The following RPS6KC1 variants were observed in gnomAD, a reference collection of about 807,000 sequenced individuals.
RPS6KC1 encodes the protein inactive ribosomal protein S6 kinase delta-1.
RPS6KC1 carries 54 observed loss-of-function variants against 103.8 expected under a neutral mutation model. The observed-to-expected ratio is 0.52, with a 90% CI of 0.42 to 0.65. RPS6KC1 has a LOEUF of 0.65. Ranked by LOEUF, RPS6KC1 falls within the 30% of genes least tolerant of loss-of-function variation. The pLI is 0.00. For synonymous variants in RPS6KC1, 439 were observed against 438.7 expected, an observed-to-expected ratio of 1.00 and a Z score of -0.01; for missense variants, 1,151 against 1,253.8, an observed-to-expected ratio of 0.92 and a Z score of 1.24.
chr1:213,840,244 T>A, the RPS6KC1 span: 2 of 152,140 alleles, frequency 1.3e-5, no homozygotes, highest in African/African-American at 4.8e-5. Flanking sequence ...CCCAATTTAA[T>A]ACAAGGTCAT....
the RPS6KC1 span, among the ~76,000 whole-genome samples, chr1:213,515,921 A>G: frequency 2.0e-5 from 3 of 149,892 alleles, no homozygotes; most frequent in Non-Finnish European, 4.5e-5. Context: ...AGTGGTTTGT[A>G]GTTCTCCTTG....
the RPS6KC1 span, among the ~76,000 whole-genome samples, chr1:213,351,367 A>G: frequency 6.6e-6 from 1 of 152,252 alleles, no homozygotes; most frequent in East Asian, 1.9e-4. Flanking sequence ...AACCAAACCC[A>G]GAAATATTGC....
At chr1:213,750,565 C>A in the RPS6KC1 span, among the ~76,000 whole-genome samples, 1 of 152,176 alleles carries the variant, frequency 6.6e-6, no homozygotes, top group Non-Finnish European at 1.5e-5. Flanking sequence ...GGAATGTCCA[C>A]AGTGGCTCCA....
the RPS6KC1 span, among the ~76,000 whole-genome samples, chr1:213,628,496 C>G: frequency 6.6e-6 from 1 of 151,748 alleles, no homozygotes; most frequent in Non-Finnish European, 1.5e-5. Flanking sequence ...TTAAATTATA[C>G]TTTAAGTTTT....
chr1:213,074,731 ACTAT>A (rs1373730260), intron 2 of RPS6KC1, among the ~76,000 whole-genome samples: 2 of 151,678 alleles, frequency 1.3e-5, no homozygotes, highest in Non-Finnish European at 2.9e-5. Flanking sequence ...GCTCTGACAG[ACTAT>A]CTACTGGTTC....
the RPS6KC1 span, among the ~76,000 whole-genome samples, chr1:213,308,337 GAGAA>G: frequency 6.2e-5 from 9 of 144,478 alleles, no homozygotes; most frequent in East Asian, 2.4e-4. Context: ...AAAAAAAAGA[GAGAA>G]AGAAGAAAAA....
intron 1 of RPS6KC1, among the ~76,000 whole-genome samples, chr1:213,053,105 G>C (rs1185424049): frequency 6.6e-6 from 1 of 152,162 alleles, no homozygotes; most frequent in Non-Finnish European, 1.5e-5. Flanking sequence ...GTGAGAGTGA[G>C]GGGCCCTTAT....
At chr1:213,237,854 A>C (rs2094258460) in intron 10 of RPS6KC1, among the ~76,000 whole-genome samples, 1 of 152,096 alleles carries the variant, frequency 6.6e-6, no homozygotes, top group African/African-American at 2.4e-5. Flanking sequence ...TAAAAATTAG[A>C]CAAATTTTAT....
intron 3 of RPS6KC1, among the ~76,000 whole-genome samples, chr1:213,097,280 G>GC (rs2148709496): frequency 6.6e-6 from 1 of 152,306 alleles, no homozygotes; most frequent in East Asian, 1.9e-4. Context: ...CTTGAACCTG[G>GC]TAGGCGGAGG....
At chr1:213,590,259 A>T in the RPS6KC1 span, among the ~76,000 whole-genome samples, 5 of 152,272 alleles carry the variant, frequency 3.3e-5, no homozygotes, top group South Asian at 1.0e-3. Flanking sequence ...TCTTCCAAGG[A>T]AAGGTGACTA....
chr1:213,400,294 G>C, the RPS6KC1 span, among the ~76,000 whole-genome samples: 2 of 152,088 alleles, frequency 1.3e-5, no homozygotes, highest in East Asian at 1.9e-4. Flanking sequence ...TATTGAGCTC[G>C]ACCATAAGAG....
chr1:213,092,536 G>A (rs2081066338), intron 3 of RPS6KC1, among the ~76,000 whole-genome samples: 1 of 151,904 alleles, frequency 6.6e-6, no homozygotes, highest in African/African-American at 2.4e-5. Context: ...GCCGGGCATG[G>A]TGGCGGGCAC....
the RPS6KC1 span, among the ~76,000 whole-genome samples, chr1:213,791,703 G>A: frequency 6.6e-6 from 1 of 152,142 alleles, no homozygotes; most frequent in Non-Finnish European, 1.5e-5. Context: ...ATTGCTTTAT[G>A]ATTATAAACT....
the RPS6KC1 span, among the ~76,000 whole-genome samples, chr1:213,549,606 CTTTTCCTTTTTTTTTTTTT>C: frequency 3.5e-4 from 38 of 110,136 alleles, 3 homozygotes; most frequent in East Asian, 0.013. Context: ...TCTTCTTTTT[CTTTTCCTTTTTTTTTTTTT>C]TTTTTTTTTT....
intron 8 of RPS6KC1, among the ~76,000 whole-genome samples, chr1:213,205,711 A>T (rs1158961770): frequency 2.0e-5 from 3 of 151,362 alleles, no homozygotes; most frequent in African/African-American, 7.3e-5. Context: ...GACATAAATT[A>T]TAGTTATTTT....
chr1:213,703,619 T>C, the RPS6KC1 span, among the ~76,000 whole-genome samples: 1 of 152,260 alleles, frequency 6.6e-6, no homozygotes, highest in Non-Finnish European at 1.5e-5. Flanking sequence ...TACCCTATTC[T>C]AGGGTAAAAG....
At chr1:213,650,851 A>T in the RPS6KC1 span, among the ~76,000 whole-genome samples, 1 of 151,752 alleles carries the variant, frequency 6.6e-6, no homozygotes, top group Non-Finnish European at 1.5e-5. Context: ...TCAAACACAG[A>T]TAGGTTATCA....
chr1:213,196,657 T>C (rs1573190588), intron 8 of RPS6KC1, among the ~76,000 whole-genome samples: 1 of 152,208 alleles, frequency 6.6e-6, no homozygotes, highest in East Asian at 1.9e-4. Context: ...TTGACTTTTG[T>C]GTAAGGCGAG....
At chr1:213,840,041 G>A in the RPS6KC1 span, 1 of 152,070 alleles carries the variant, frequency 6.6e-6, no homozygotes, top group Non-Finnish European at 1.5e-5. Context: ...CATCGACTAA[G>A]CAACTCCTGT....
Sources: gnomAD v4.1 joint callset for allele counts (sites outside exome capture counted in the v4.1 genomes callset) on GRCh38, gnomAD v4.1.1 for gene constraint, MANE v1.5 for transcripts, NCBI Gene and HGNC (gene_info 2026-07-23, HGNC 2026-07-21) for gene names.